MDGA2: variants seen among roughly 807,000 people sequenced by gnomAD.
MDGA2 encodes the protein MAM domain-containing glycosylphosphatidylinositol anchor protein 2.
Under a neutral mutation model 117.8 loss-of-function variants are expected in MDGA2, and 40 were observed. The ratio of observed to expected loss-of-function variants is 0.34; its 90% CI spans 0.26 to 0.44. MDGA2 has a LOEUF of 0.44. MDGA2 is among the 20% of genes least tolerant of loss of function. MDGA2 has a pLI of 1.00. For missense variants in MDGA2, 1,123 were observed against 1,250.6 expected, an observed-to-expected ratio of 0.90 and a Z score of 1.54; for synonymous variants, 452 against 439.0, an observed-to-expected ratio of 1.03 and a Z score of -0.37.
chr14:47,233,263 T>C (rs1886749844), intron 2 of MDGA2, among the ~76,000 whole-genome samples: 2 of 152,126 alleles, frequency 1.3e-5, no homozygotes, highest in African/African-American at 2.4e-5. Flanking sequence ...TTACAATCAT[T>C]AGACCTTATA....
intron 1 of MDGA2, among the ~76,000 whole-genome samples, chr14:47,497,162 G>GTTATTT (rs1209117884): frequency 6.6e-6 from 1 of 152,138 alleles, no homozygotes; most frequent in Non-Finnish European, 1.5e-5. Flanking sequence ...GTTCACATCA[G>GTTATTT]TTATTTTTTC....
chr14:46,967,076 ATAAT>A (rs1886065216), intron 8 of MDGA2, among the ~76,000 whole-genome samples: 2 of 152,196 alleles, frequency 1.3e-5, no homozygotes, highest in Admixed American at 1.3e-4. Context: ...GTTTAAATAA[ATAAT>A]AGAACCTTCA....
chr14:46,960,665 A>G (rs1885759550), intron 8 of MDGA2: 1 of 151,786 alleles, frequency 6.6e-6, no homozygotes. Flanking sequence ...TGTTATATAT[A>G]TACACACACA....
chr14:47,210,425 T>C (rs1268181828), intron 3 of MDGA2, among the ~76,000 whole-genome samples: 1 of 152,220 alleles, frequency 6.6e-6, no homozygotes, highest in African/African-American at 2.4e-5. Flanking sequence ...TAAAGTCATA[T>C]GGCCTCTATT....
chr14:47,157,612 T>TGC (rs1414673272), intron 3 of MDGA2, among the ~76,000 whole-genome samples: 1 of 147,128 alleles, frequency 6.8e-6, no homozygotes, highest in Non-Finnish European at 1.5e-5. Flanking sequence ...TGTGTGTGTG[T>TGC]GTGTGTGTGT....
intron 3 of MDGA2, among the ~76,000 whole-genome samples, chr14:47,207,252 G>A (rs1885719511): frequency 1.3e-5 from 2 of 151,896 alleles, no homozygotes; most frequent in South Asian, 4.1e-4. Flanking sequence ...GTCGAAGGAT[G>A]TTGCTTTAGG....
intron 2 of MDGA2, among the ~76,000 whole-genome samples, chr14:47,227,549 A>C (rs1179418416): frequency 6.6e-6 from 1 of 152,156 alleles, no homozygotes; most frequent in Non-Finnish European, 1.5e-5. Flanking sequence ...AATCAGTCTT[A>C]AAATATAATA....
At chr14:46,859,852 A>T (rs1247757559) in intron 14 of MDGA2, among the ~76,000 whole-genome samples, 1 of 152,132 alleles carries the variant, frequency 6.6e-6, no homozygotes, top group Non-Finnish European at 1.5e-5. Flanking sequence ...AATGTAGTAT[A>T]TAAACTTATT....
chr14:47,082,163 A>G (rs1412905887), intron 6 of MDGA2, among the ~76,000 whole-genome samples: 3 of 152,030 alleles, frequency 2.0e-5, no homozygotes, highest in African/African-American at 7.2e-5. Context: ...ATTCAGTTCA[A>G]AGTACACTGA....
At chr14:47,084,478 A>G (rs1890821421) in intron 6 of MDGA2, among the ~76,000 whole-genome samples, 1 of 145,446 alleles carries the variant, frequency 6.9e-6, no homozygotes, top group Non-Finnish European at 1.5e-5. Flanking sequence ...CACTTCAAGA[A>G]GCTAAAAAAC....
intron 1 of MDGA2, among the ~76,000 whole-genome samples, chr14:47,568,233 G>A (rs1235897084): frequency 6.6e-6 from 1 of 152,104 alleles, no homozygotes; most frequent in Admixed American, 6.6e-5. Context: ...CTCCAGTACC[G>A]CAAGTAAGAA....
At chr14:47,036,201 C>T (rs1433784269) in intron 7 of MDGA2, among the ~76,000 whole-genome samples, 3 of 130,954 alleles carry the variant, frequency 2.3e-5, no homozygotes, top group Non-Finnish European at 4.6e-5. Flanking sequence ...ACCCGGGAGG[C>T]GGAGCTTGCA....
chr14:47,663,117 T>C (rs201661186), intron 1 of MDGA2, among the ~76,000 whole-genome samples: 2 of 152,298 alleles, frequency 1.3e-5, no homozygotes, highest in East Asian at 3.9e-4. Flanking sequence ...AGTTCAGAAC[T>C]GAAATAAAAG....
intron 9 of MDGA2, among the ~76,000 whole-genome samples, chr14:46,938,094 T>A (rs1884847976): frequency 6.6e-6 from 1 of 152,090 alleles, no homozygotes; most frequent in Admixed American, 6.6e-5. Context: ...ATCTCAAACA[T>A]CTCTAGCACA....
intron 1 of MDGA2, among the ~76,000 whole-genome samples, chr14:47,516,420 T>A (rs1449360721): frequency 6.6e-6 from 1 of 152,166 alleles, no homozygotes; most frequent in Non-Finnish European, 1.5e-5. Flanking sequence ...ATTCTTAGCG[T>A]GTGGAGCCTT....
intron 9 of MDGA2, among the ~76,000 whole-genome samples, chr14:46,939,809 A>G (rs897775910): frequency 5.3e-5 from 8 of 152,186 alleles, no homozygotes; most frequent in East Asian, 1.9e-4. Context: ...GTAAGCAACC[A>G]TCAAGTCACG....
chr14:46,969,920 A>G (rs1886190442), intron 8 of MDGA2, among the ~76,000 whole-genome samples: 1 of 140,744 alleles, frequency 7.1e-6, no homozygotes, highest in Non-Finnish European at 1.5e-5. Flanking sequence ...GTACCTTAGA[A>G]CTTAAAGTAT....
intron 10 of MDGA2, among the ~76,000 whole-genome samples, chr14:46,904,833 T>C (rs979636216): frequency 6.6e-6 from 1 of 152,180 alleles, no homozygotes; most frequent in Admixed American, 6.5e-5. Context: ...ATTTCTCTAT[T>C]GATATATCCA....
rs183745744 is a variant in MDGA2 at position 47,085,298 on chromosome 14, C to G, written c.1195+11556G>C. 1.4e-4 allele frequency among the ~76,000 whole-genome samples: 22 copies of G among 152,112 alleles called. No homozygotes were observed. In the South Asian group the frequency reaches 1.9e-3, roughly 13 times the overall value. ...TAATGGTATAGAAGGAAGGAATAATCAAGGACAGAAATCATTATAATAGAA... is the reference window on the plus strand; with the variant it reads ...TAATGGTATAGAAGGAAGGAATAATGAAGGACAGAAATCATTATAATAGAA... On this transcript the variant is annotated intron_variant, in intron 6 of 16. Transcript: ENST00000399232.
Sources: gnomAD v4.1 joint callset for allele counts (sites outside exome capture counted in the v4.1 genomes callset) on GRCh38, gnomAD v4.1.1 for gene constraint, MANE v1.5 for transcripts, NCBI Gene and HGNC (gene_info 2026-07-23, HGNC 2026-07-21) for gene names.